Variants in SLC26A8 observed in about 807,000 individuals in gnomAD.
The protein encoded by SLC26A8 is testis anion transporter 1.
In SLC26A8, 70 loss-of-function variants were observed where a neutral mutation model predicts 105.0. The ratio of observed to expected loss-of-function variants is 0.67; its 90% CI spans 0.55 to 0.81. The LOEUF is 0.81. Ranked by LOEUF, SLC26A8 falls within the 40% of genes least tolerant of loss-of-function variation. The pLI, the probability that SLC26A8 is intolerant of heterozygous loss-of-function variation, is 0.00. For missense variants in SLC26A8, 998 were observed against 1,181.8 expected, an observed-to-expected ratio of 0.84 and a Z score of 2.28; for synonymous variants, 415 against 438.3, an observed-to-expected ratio of 0.95 and a Z score of 0.66.
intron 19 of SLC26A8, 69 bp downstream of exon 19, chr6:35,951,094 A>ACCCC: frequency 1.5e-6 from 1 of 666,680 alleles, no homozygotes; most frequent in Non-Finnish European, 2.3e-6. Flanking sequence ...GCCCCCAACC[A>ACCCC]CCCCTCACCC....
intron 10 of SLC26A8, among the ~76,000 whole-genome samples, chr6:35,974,002 T>C (rs866211075): frequency 3.9e-5 from 6 of 152,198 alleles, no homozygotes; most frequent in Admixed American, 1.3e-4. Context: ...CCTGTTGTAA[T>C]TTTATCTAGT....
chr6:35,990,456 C>T (rs1773720081), intron 7 of SLC26A8: 1 of 155,162 alleles, frequency 6.4e-6, no homozygotes, highest in Admixed American at 6.5e-5. Flanking sequence ...TTCTTTGGCC[C>T]TTTGCCTGTT....
chr6:35,991,842 G>A, intron 6 of SLC26A8, 34 bp from the exon 7 acceptor site: 1 of 1,531,174 alleles, frequency 6.5e-7, no homozygotes, highest in Non-Finnish European at 8.7e-7. Context: ...GGCTTAGAAA[G>A]GGATGTAGTA....
chr6:36,002,549 G>A (rs1581686443), intron 3 of SLC26A8, among the ~76,000 whole-genome samples: 1 of 152,208 alleles, frequency 6.6e-6, no homozygotes, highest in South Asian at 2.1e-4. Flanking sequence ...AGTGTGTATG[G>A]TGGTAACTCA....
intron 3 of SLC26A8, among the ~76,000 whole-genome samples, chr6:36,006,173 G>A (rs1318318640): frequency 9.2e-5 from 14 of 152,056 alleles, no homozygotes; most frequent in Non-Finnish European, 1.5e-5. Flanking sequence ...AGGCTGGAAT[G>A]CAGTGGTGTG....
chr6:35,964,072 G>C (rs2127302427), intron 11 of SLC26A8, among the ~76,000 whole-genome samples: 1 of 152,088 alleles, frequency 6.6e-6, no homozygotes, highest in East Asian at 1.9e-4. Flanking sequence ...AGCCAGGTGT[G>C]GTAGCATGCA....
rs751174367 is a variant in SLC26A8 at position 35,951,453 on chromosome 6, C to T, written c.2279G>A (p.Gly760Glu). The change falls in exon 18 of 20, where the codon GGG becomes GAG. Residue 760 changes from glycine (G) to glutamate (E), a missense_variant. Physicochemically the swap from Gly to Glu is moderately conservative, Grantham distance 98 (BLOSUM62 -2). Transcript: ENST00000490799. ...GGGTGAAGGATACTCACAGTGACAC[C>T]CTGCAATGAGTATCAAAATGTTGGC... is the stretch of plus-strand genomic sequence containing the variant. ...QNANILILIA[G>E]CHSSIVRAFE... 6.2e-7 allele frequency: 1 copy of T among 1,613,962 alleles called. No individual in the cohort carries two copies. The highest frequency in any genetic ancestry group is 1.3e-5 in the African/African-American group (1 of 74,872).
chr6:35,965,329 T>C (rs1403622984), intron 11 of SLC26A8, among the ~76,000 whole-genome samples: 2 of 152,186 alleles, frequency 1.3e-5, no homozygotes, highest in African/African-American at 4.8e-5. Flanking sequence ...CGCACAAGCA[T>C]ATAAAAATCG....
chr6:35,954,241 G>A (rs943519822), intron 17 of SLC26A8, among the ~76,000 whole-genome samples: 7 of 152,132 alleles, frequency 4.6e-5, no homozygotes, highest in African/African-American at 7.2e-5. Context: ...GTCAGGACCC[G>A]GGGACACAGC....
At chr6:35,987,815 T>C (rs1218236679) in intron 7 of SLC26A8, among the ~76,000 whole-genome samples, 1 of 151,868 alleles carries the variant, frequency 6.6e-6, no homozygotes, top group Non-Finnish European at 1.5e-5. Flanking sequence ...AGGGGACACA[T>C]GATTATTTGG....
chr6:35,979,321 C>CA (rs1773178505), intron 8 of SLC26A8, among the ~76,000 whole-genome samples: 1 of 151,746 alleles, frequency 6.6e-6, no homozygotes, highest in South Asian at 2.1e-4. Flanking sequence ...ACTAAAAATA[C>CA]AAAAATTAGC....
intron 7 of SLC26A8, among the ~76,000 whole-genome samples, chr6:35,984,499 T>C (rs1413100124): frequency 6.6e-6 from 1 of 151,902 alleles, no homozygotes; most frequent in African/African-American, 2.4e-5. Flanking sequence ...ATTTTTTTTA[T>C]TTTTAGTAGA....
chr6:35,990,231 C>G (rs994479952), intron 7 of SLC26A8: 3 of 175,926 alleles, frequency 1.7e-5, no homozygotes, highest in Non-Finnish European at 3.6e-5. Flanking sequence ...GCCACCGCAC[C>G]TGGCCTCTGC....
chr6:35,980,968 C>T (rs1055234910), intron 8 of SLC26A8, among the ~76,000 whole-genome samples: 16 of 151,726 alleles, frequency 1.1e-4, no homozygotes, highest in African/African-American at 3.4e-4. Context: ...GCTGAGATGG[C>T]GCATTGCACT....
At chr6:36,010,736 A>G (rs1020221670) in intron 3 of SLC26A8, among the ~76,000 whole-genome samples, 1 of 151,650 alleles carries the variant, frequency 6.6e-6, no homozygotes, top group Admixed American at 6.6e-5. Context: ...ATGGGGTTTC[A>G]CTATGTTGCC....
Position 35,975,913 on chromosome 6 carries a change from C to CAAAAA in SLC26A8, c.1174-430_1174-426dup, listed in dbSNP as rs34783824. On this transcript the variant is annotated intron_variant, in intron 9 of 19. Coordinates refer to ENST00000490799, the MANE Select transcript of SLC26A8 (RefSeq NM_052961.4). The stretch of plus-strand genomic sequence containing the variant: ...GGGCAGCAAGAGCGAAACTCCATCT[C>CAAAAA]AAAAAAAAAAAAAAAAAAAAAATTA... Among the ~76,000 whole-genome samples the CAAAAA allele has an allele frequency of 1.1e-3, 92 of 81,036 alleles. 1 individual carries two copies. The East Asian group carries it at 0.019, about 17-fold the overall frequency. 53.2% of individuals were successfully genotyped at this position (81,036 alleles called of 152,430 possible). A position where few individuals can be genotyped will look rare whatever the true frequency, so the allele number is the denominator to read the frequency against.
intron 11 of SLC26A8, among the ~76,000 whole-genome samples, chr6:35,968,613 A>G (rs966827271): frequency 0.14 from 6,827 of 47,900 alleles, 212 homozygotes; most frequent in African/African-American, 0.17. Context: ...GTGTGTGTAT[A>G]TATATATATA....
intron 8 of SLC26A8, among the ~76,000 whole-genome samples, chr6:35,979,372 A>T (rs1200739182): frequency 1.3e-5 from 2 of 151,906 alleles, no homozygotes; most frequent in Non-Finnish European, 1.5e-5. Context: ...GCTACTTGGG[A>T]GGCTGAGGCA....
intron 7 of SLC26A8, among the ~76,000 whole-genome samples, chr6:35,986,842 GTATA>G (rs2127342486): frequency 6.6e-6 from 1 of 151,854 alleles, no homozygotes; most frequent in South Asian, 2.1e-4. Context: ...ACTAATACCT[GTATA>G]TACCACATGT....
Sources: gnomAD v4.1 joint callset for allele counts (sites outside exome capture counted in the v4.1 genomes callset) on GRCh38, gnomAD v4.1.1 for gene constraint, MANE v1.5 for transcripts, NCBI Gene and HGNC (gene_info 2026-07-23, HGNC 2026-07-21) for gene names.